PPP4R2: variants seen among roughly 807,000 people sequenced by gnomAD.
PPP4R2 encodes the protein protein phosphatase 4 regulatory subunit 2.
A neutral mutation model predicts 47.2 loss-of-function variants in PPP4R2; 13 were observed. The ratio of observed to expected loss-of-function variants is 0.28; its 90% CI spans 0.18 to 0.44. The LOEUF is 0.44. Ranked by LOEUF, PPP4R2 falls within the 20% of genes least tolerant of loss-of-function variation. The probability of loss-of-function intolerance (pLI) is 1.00; values close to 1 mark genes in which losing one functional copy is unlikely to be tolerated. For synonymous variants in PPP4R2, 151 were observed against 163.3 expected, an observed-to-expected ratio of 0.92 and a Z score of 0.57; for missense variants, 421 against 491.2, an observed-to-expected ratio of 0.86 and a Z score of 1.35.
At chr3:73,028,325 A>C (rs1044036255) in intron 2 of PPP4R2, among the ~76,000 whole-genome samples, 1 of 150,740 alleles carries the variant, frequency 6.6e-6, no homozygotes, top group African/African-American at 2.4e-5. Flanking sequence ...GGTGTGAGCC[A>C]CCATGCCTGG....
At chr3:73,062,729 G>A (rs773302722) in intron 5 of PPP4R2, 2 of 1,613,984 alleles carry the variant, frequency 1.2e-6, no homozygotes, top group Non-Finnish European at 1.7e-6. Flanking sequence ...AGGCAATGAT[G>A]GCATCTATTG....
chr3:73,063,795 T>C, intron 6 of PPP4R2, 48 bp downstream of exon 6: 1 of 1,318,264 alleles, frequency 7.6e-7, no homozygotes, highest in Non-Finnish European at 1.1e-6. Context: ...TTGTCCTGAT[T>C]TTGAGTAGCA....
At chr3:73,019,324 G>A (rs1701912937) in intron 2 of PPP4R2, among the ~76,000 whole-genome samples, 1 of 152,120 alleles carries the variant, frequency 6.6e-6, no homozygotes. Context: ...ATACATCACT[G>A]TAGATGAAAA....
At chr3:73,048,015 TGTAGG>T (rs1702521539) in intron 3 of PPP4R2, among the ~76,000 whole-genome samples, 1 of 152,174 alleles carries the variant, frequency 6.6e-6, no homozygotes, top group East Asian at 1.9e-4. Context: ...TAACTGAGAC[TGTAGG>T]CGCATGCCAC....
intron 2 of PPP4R2, among the ~76,000 whole-genome samples, chr3:73,011,883 A>G (rs550960640): frequency 6.6e-6 from 1 of 152,330 alleles, no homozygotes; most frequent in Admixed American, 6.5e-5. Flanking sequence ...GGTAGTTCTA[A>G]TATTCCCATT....
chr3:73,003,438 C>T (rs776343111), intron 2 of PPP4R2, among the ~76,000 whole-genome samples: 3 of 152,026 alleles, frequency 2.0e-5, no homozygotes, highest in African/African-American at 4.8e-5. Flanking sequence ...TTCTCGAACT[C>T]CTGGCCTCAA....
intron 2 of PPP4R2, among the ~76,000 whole-genome samples, chr3:73,022,192 C>T (rs1041147974): frequency 1.3e-5 from 2 of 152,050 alleles, no homozygotes; most frequent in Non-Finnish European, 2.9e-5. Context: ...CCACTGCGCC[C>T]AGCCTGTTTC....
intron 2 of PPP4R2, among the ~76,000 whole-genome samples, chr3:72,999,194 G>C (rs4677220): frequency 0.53 from 80,606 of 151,944 alleles, 21,770 homozygotes; most frequent in African/African-American, 0.62. Context: ...GAGAACGTCA[G>C]TGTGATGTGT....
At chr3:73,063,338 A>AAG (rs1553652017) in intron 5 of PPP4R2, 3,793 of 172,578 alleles carry the variant, frequency 0.022, 99 homozygotes, top group South Asian at 0.028. Context: ...AAAAAAAAAA[A>AAG]AAGTCCAGGT....
At chr3:73,001,679 G>T (rs1394062520) in intron 2 of PPP4R2, among the ~76,000 whole-genome samples, 1 of 151,790 alleles carries the variant, frequency 6.6e-6, no homozygotes, top group Admixed American at 6.6e-5. Context: ...CTCGCCCTAT[G>T]CCACACTGGA....
At chr3:73,048,150 C>T (rs1052238645) in intron 3 of PPP4R2, among the ~76,000 whole-genome samples, 1 of 152,332 alleles carries the variant, frequency 6.6e-6, no homozygotes, top group East Asian at 1.9e-4. Context: ...GCTGGAATTA[C>T]AGGCGTGAGC....
intron 2 of PPP4R2, among the ~76,000 whole-genome samples, chr3:73,004,917 GTGTGTT>G (rs1559545940): frequency 2.7e-4 from 23 of 86,754 alleles, no homozygotes; most frequent in African/African-American, 6.3e-4. Flanking sequence ...AGTCATGTGT[GTGTGTT>G]TGTGTGTTTT....
chr3:73,010,313 C>T (rs1317810481), intron 2 of PPP4R2, among the ~76,000 whole-genome samples: 1 of 152,032 alleles, frequency 6.6e-6, no homozygotes, highest in Non-Finnish European at 1.5e-5. Flanking sequence ...GCCTTGACCT[C>T]CCGGGCTTAA....
chr3:73,015,150 G>A (rs1559550266), intron 2 of PPP4R2, among the ~76,000 whole-genome samples: 1 of 152,172 alleles, frequency 6.6e-6, no homozygotes, highest in Non-Finnish European at 1.5e-5. Context: ...CAGAAGGAAT[G>A]AAAACACTAC....
At chr3:73,022,240 C>G (rs1323539900) in intron 2 of PPP4R2, among the ~76,000 whole-genome samples, 1 of 152,074 alleles carries the variant, frequency 6.6e-6, no homozygotes, top group Non-Finnish European at 1.5e-5. Context: ...CAGCATTGGC[C>G]TGTACAAAAT....
At chr3:73,027,561 T>G (rs1702090077) in intron 2 of PPP4R2, among the ~76,000 whole-genome samples, 1 of 152,184 alleles carries the variant, frequency 6.6e-6, no homozygotes, top group African/African-American at 2.4e-5. Context: ...GGCTTCAGGA[T>G]ATTCATTTAT....
In PPP4R2 at chr3:73,047,364, C is replaced by T. The variant is rs765057003; in HGVS notation, c.287+8C>T. 3 of 1,544,550 alleles carry T rather than the reference C, an allele frequency of 1.9e-6. No individual in the cohort carries two copies. Among genetic ancestry groups the T allele is most frequent in the Admixed American group, 3.9e-5 (2 of 50,696 alleles). On this transcript the variant is annotated splice_region_variant and intron_variant, in intron 3 of 8. Coordinates refer to ENST00000356692, the MANE Select transcript of PPP4R2 (RefSeq NM_174907.4). ...TGTCACTGGATTTAATGGGTATGCA[C>T]TTAATACTGTTTTAAAGATTTAATT...
At position 73,059,030 on chromosome 3, in the gene PPP4R2, T is replaced by A. The variant is rs775369947; in HGVS notation, c.288-7T>A. 9.8e-6 allele frequency: 15 copies of A among 1,526,104 alleles called. No individual in the cohort carries two copies. In the East Asian group the frequency reaches 1.4e-4, roughly 14 times the overall value. 94.5% of individuals were successfully genotyped at this position (1,526,104 alleles called of 1,614,324 possible). On this transcript the variant is annotated splice_region_variant and splice_polypyrimidine_tract_variant and intron_variant, in intron 3 of 8. Transcript: ENST00000356692. Reference sequence around the variant, plus strand: ...ATCTCACACTGTAAAATTATATTTTTTTGCAGTATCCCTTTTACTATTCAG... The same window carrying A: ...ATCTCACACTGTAAAATTATATTTTATTGCAGTATCCCTTTTACTATTCAG...
At chr3:73,031,117 AT>A (rs1702157681) in intron 2 of PPP4R2, among the ~76,000 whole-genome samples, 1 of 152,188 alleles carries the variant, frequency 6.6e-6, no homozygotes, top group Non-Finnish European at 1.5e-5. Context: ...TGGAGTCAAA[AT>A]TTTTGGAGTA....
Sources: allele counts gnomAD v4.1 joint callset (sites outside exome capture counted in the v4.1 genomes callset), GRCh38; gene constraint gnomAD v4.1.1; transcripts MANE v1.5; gene names NCBI Gene and HGNC (gene_info 2026-07-23, HGNC 2026-07-21).